AVEN: variants seen among roughly 807,000 people sequenced by gnomAD.
The protein encoded by AVEN is cell death regulator Aven.
A neutral mutation model predicts 38.1 loss-of-function variants in AVEN; 41 were observed. The observed-to-expected ratio is 1.08, with a 90% confidence interval of 0.84 to 1.40. The LOEUF (loss-of-function observed/expected upper bound fraction) is 1.40. AVEN is among the 40% of genes most tolerant of loss of function. The probability of loss-of-function intolerance (pLI) is 0.00; values close to 1 mark genes in which losing one functional copy is unlikely to be tolerated. For synonymous variants in AVEN, 206 were observed against 171.8 expected (o/e 1.20, Z -1.56); for missense variants, 605 against 438.8 (o/e 1.38, Z -3.38).
Position 34,038,923 on chromosome 15 carries a change from CT to C in AVEN, c.123del (p.Gly42AlafsTer168). On this transcript the variant is annotated frameshift_variant, in exon 1 of 6. Coordinates refer to ENST00000306730, the MANE Select transcript of AVEN (RefSeq NM_020371.3). LOFTEE classifies it high-confidence loss of function. ...CGTCCGCCTCCGTCCCCGCCGCCGCCTCCGCCGCCGCCTCTGGCTACCGCCG... is the reference window on the plus strand; with the variant it reads ...CGTCCGCCTCCGTCCCCGCCGCCGCCCCGCCGCCGCCTCTGGCTACCGCCG... ...AAAAVARGGG[G>X]GGGGDGGGRR... 1 of 715,700 alleles carries C rather than the reference CT, an allele frequency of 1.4e-6. No individual in the cohort carries two copies. Among genetic ancestry groups the C allele is most frequent in the South Asian group, 5.1e-5 (1 of 19,510 alleles). 44.3% of individuals were successfully genotyped at this position (715,700 alleles called of 1,614,324 possible).
intron 2 of AVEN, among the ~76,000 whole-genome samples, chr15:33,941,530 CTT>C (rs928653567): frequency 6.6e-6 from 1 of 152,154 alleles, no homozygotes; most frequent in African/African-American, 2.4e-5. Context: ...CACAGTATAA[CTT>C]ATATCTTGTC....
chr15:33,918,393 A>G (rs1893242527), intron 2 of AVEN, among the ~76,000 whole-genome samples: 1 of 150,314 alleles, frequency 6.7e-6, no homozygotes, highest in Non-Finnish European at 1.5e-5. Context: ...CATCGCTATA[A>G]TTTGTCAAAG....
intron 2 of AVEN, among the ~76,000 whole-genome samples, chr15:33,935,240 T>G (rs1300820768): frequency 6.6e-6 from 1 of 152,188 alleles, no homozygotes; most frequent in Non-Finnish European, 1.5e-5. Flanking sequence ...TTTCAAGACG[T>G]GGAAAATTCG....
intron 2 of AVEN, among the ~76,000 whole-genome samples, chr15:33,981,612 G>C (rs553236763): frequency 6.6e-6 from 1 of 152,274 alleles, no homozygotes; most frequent in South Asian, 2.1e-4. Flanking sequence ...CAGGGGGCGA[G>C]AGTGCAATAT....
intron 2 of AVEN, among the ~76,000 whole-genome samples, chr15:33,949,458 T>C (rs908527002): frequency 6.6e-6 from 1 of 152,244 alleles, no homozygotes; most frequent in Non-Finnish European, 1.5e-5. Flanking sequence ...GATATCCTAA[T>C]TACCCTGATT....
intron 2 of AVEN, among the ~76,000 whole-genome samples, chr15:33,938,872 A>C (rs114333108): frequency 0.011 from 1,603 of 151,234 alleles, 26 homozygotes; most frequent in African/African-American, 0.037. Context: ...GCAGAGTTTC[A>C]CTCTTGTTGC....
chr15:33,952,146 A>G (rs1405022635), intron 2 of AVEN, among the ~76,000 whole-genome samples: 1 of 152,222 alleles, frequency 6.6e-6, no homozygotes, highest in Non-Finnish European at 1.5e-5. Context: ...ATCTGCGCCA[A>G]GGTGGATATA....
intron 1 of AVEN, among the ~76,000 whole-genome samples, chr15:34,020,320 A>G (rs868058175): frequency 2.3e-4 from 34 of 146,950 alleles, no homozygotes; most frequent in Admixed American, 3.4e-4. Flanking sequence ...CAAAAAAAAA[A>G]GAAAAAAAAA....
At chr15:34,053,798 G>A (rs111293185) in intron 5 of AVEN, among the ~76,000 whole-genome samples, 1 of 152,048 alleles carries the variant, frequency 6.6e-6, no homozygotes, top group Non-Finnish European at 1.5e-5. Context: ...AGCATTAAAA[G>A]CAATTGCAAC....
chr15:34,025,131 C>G (rs1898398630), intron 1 of AVEN, among the ~76,000 whole-genome samples: 2 of 151,748 alleles, frequency 1.3e-5, no homozygotes, highest in East Asian at 3.9e-4. Context: ...GATCGCACCA[C>G]TGCACTCCAC....
At chr15:34,055,556 C>G (rs575251525) in intron 5 of AVEN, among the ~76,000 whole-genome samples, 43 of 150,974 alleles carry the variant, frequency 2.8e-4, no homozygotes, top group Admixed American at 1.4e-3. Flanking sequence ...AATCCCAGCA[C>G]TTTGGGAGGC....
In AVEN at chr15:34,038,215, A is replaced by G. The variant is rs549641149; in HGVS notation, c.267+565T>C. Among the ~76,000 whole-genome samples the G allele has an allele frequency of 6.3e-4, 96 of 152,204 alleles. 1 individual carries two copies. Among genetic ancestry groups the G allele is most frequent in the Admixed American group, 2.2e-3 (33 of 15,286 alleles). ...GAGAACTACGCTATTACAAAGAACT[A>G]TGCATCTGGTCCCGCCCCCAAATAC... On this transcript the variant is annotated intron_variant, in intron 1 of 5. Coordinates refer to ENST00000306730, the MANE Select transcript of AVEN (RefSeq NM_020371.3).
rs78658980 is a variant in AVEN at position 33,951,562 on chromosome 15, A to T, written c.445+51470T>A. Among the ~76,000 whole-genome samples, 233 of 120,822 alleles carry T rather than the reference A, an allele frequency of 1.9e-3. 1 individual carries two copies. The highest frequency in any genetic ancestry group is 3.4e-3 in the Admixed American group (43 of 12,560). The allele number at this position is 120,822 out of a possible 152,430, so 79.3% of individuals were successfully genotyped here. A position where few individuals can be genotyped will look rare whatever the true frequency, so the allele number is the denominator to read the frequency against. Reference sequence around the variant, plus strand: ...TGTACCCTAGAACTTAAAGTATAATAAAAAAAAAAAAAAGATGCAATTTGC... The same window carrying T: ...TGTACCCTAGAACTTAAAGTATAATTAAAAAAAAAAAAAGATGCAATTTGC... On this transcript the variant is annotated intron_variant, in intron 2 of 5. Coordinates refer to ENST00000306730, the MANE Select transcript of AVEN (RefSeq NM_020371.3).
chr15:33,857,038 A>G (rs2079752061), downstream of AVEN, among the ~76,000 whole-genome samples: 1 of 152,164 alleles, frequency 6.6e-6, no homozygotes, highest in African/African-American at 2.4e-5. Flanking sequence ...TATGAACAAT[A>G]ACAAAACACA....
At chr15:34,029,553 A>G (rs1430301376) in intron 1 of AVEN, among the ~76,000 whole-genome samples, 1 of 151,232 alleles carries the variant, frequency 6.6e-6, no homozygotes, top group Non-Finnish European at 1.5e-5. Flanking sequence ...TGAAAAGGAA[A>G]TGGTTTTAAA....
intron 2 of AVEN, among the ~76,000 whole-genome samples, chr15:33,879,850 T>A (rs899337063): frequency 6.6e-6 from 1 of 152,216 alleles, no homozygotes; most frequent in Non-Finnish European, 1.5e-5. Context: ...CTCTGTATTA[T>A]GTAATGTCTA....
At chr15:33,854,750 T>C (rs2079471031), downstream of AVEN, 1 of 1,588,416 alleles carries the variant, frequency 6.3e-7, no homozygotes, top group Non-Finnish European at 8.5e-7. Flanking sequence ...AAAAGTCTGC[T>C]TTCTTCCATT....
chr15:33,880,514 G>T (rs370403565), intron 2 of AVEN, among the ~76,000 whole-genome samples: 6 of 152,146 alleles, frequency 3.9e-5, no homozygotes, highest in Admixed American at 1.3e-4. Context: ...ACTGCATCCT[G>T]TAAGTTAGGA....
chr15:34,013,231 T>C (rs1897715741), intron 1 of AVEN, among the ~76,000 whole-genome samples: 1 of 152,134 alleles, frequency 6.6e-6, no homozygotes, highest in Non-Finnish European at 1.5e-5. Context: ...CCAGCTAATA[T>C]TTGTATTTTT....
Sources: gnomAD v4.1 joint callset for allele counts (sites outside exome capture counted in the v4.1 genomes callset) on GRCh38, gnomAD v4.1.1 for gene constraint, MANE v1.5 for transcripts, NCBI Gene and HGNC (gene_info 2026-07-23, HGNC 2026-07-21) for gene names.